The following FAM151B variants were observed in gnomAD, a reference collection of about 807,000 sequenced individuals.
FAM151B encodes the protein family with sequence similarity 151 member B.
Under a neutral mutation model 31.2 loss-of-function variants are expected in FAM151B, and 24 were observed. That is an observed-to-expected ratio of 0.77 (90% confidence interval 0.56 to 1.08). FAM151B has a LOEUF of 1.08. FAM151B is among the 50% of genes least tolerant of loss of function. The pLI, the probability that FAM151B is intolerant of heterozygous loss-of-function variation, is 0.00. For synonymous variants in FAM151B, 105 were observed against 111.4 expected, an observed-to-expected ratio of 0.94 and a Z score of 0.36; for missense variants, 293 against 328.6, an observed-to-expected ratio of 0.89 and a Z score of 0.84.
In FAM151B at chr5:80,531,179, G is replaced by A. The variant is rs376486881; in HGVS notation, c.671+9041G>A. 3.9e-5 allele frequency among the ~76,000 whole-genome samples: 6 copies of A among 152,248 alleles called. No individual in the cohort carries two copies. The East Asian group carries it at 7.7e-4, about 20-fold the overall frequency. ...TAAATGGTGCTGGGAAAACTGGCTAGCCATATGTAGAAAGCTGAAACTGGA... is the reference window on the plus strand; with the variant it reads ...TAAATGGTGCTGGGAAAACTGGCTAACCATATGTAGAAAGCTGAAACTGGA... On this transcript the variant is annotated intron_variant, in intron 5 of 5. Transcript: ENST00000282226.
chr5:80,528,516 G>A (rs1580449856), intron 5 of FAM151B, among the ~76,000 whole-genome samples: 3 of 151,972 alleles, frequency 2.0e-5, no homozygotes, highest in Non-Finnish European at 4.4e-5. Flanking sequence ...TGAAAAGGAT[G>A]GAAAAAGATA....
chr5:80,534,697 C>G (rs1745411345), intron 5 of FAM151B, among the ~76,000 whole-genome samples: 1 of 151,896 alleles, frequency 6.6e-6, no homozygotes, highest in Non-Finnish European at 1.5e-5. Flanking sequence ...AGACGAGGAA[C>G]AAGACAAGGA....
At chr5:80,522,283 A>G in intron 5 of FAM151B, 145 bp downstream of exon 5, 2 of 765,746 alleles carry the variant, frequency 2.6e-6, no homozygotes, top group Non-Finnish European at 4.0e-6. Context: ...AAGCGCACAG[A>G]CTCCCTCACC....
intron 3 of FAM151B, among the ~76,000 whole-genome samples, chr5:80,515,958 T>C (rs10516155): frequency 0.026 from 3,887 of 152,312 alleles, 168 homozygotes; most frequent in Admixed American, 0.12. Flanking sequence ...AGCAGCTGAA[T>C]GACCTGTTAG....
chr5:80,509,271 T>C (rs1305851667), intron 2 of FAM151B, among the ~76,000 whole-genome samples: 20 of 151,968 alleles, frequency 1.3e-4, no homozygotes, highest in Admixed American at 1.3e-3. Context: ...AAGCCACCAC[T>C]CTGGCTTCAT....
intron 5 of FAM151B, among the ~76,000 whole-genome samples, chr5:80,538,478 CTTT>C (rs61120496): frequency 5.7e-5 from 7 of 122,472 alleles, no homozygotes; most frequent in African/African-American, 1.0e-4. Flanking sequence ...TTCTTTCTTT[CTTT>C]CTTTCCTTCC....
intron 5 of FAM151B, among the ~76,000 whole-genome samples, chr5:80,536,683 A>G (rs762211209): frequency 1.6e-4 from 24 of 152,192 alleles, no homozygotes; most frequent in Middle Eastern, 3.2e-3. Flanking sequence ...AAGTATATAT[A>G]TTGTACTTAC....
intron 5 of FAM151B, among the ~76,000 whole-genome samples, chr5:80,528,158 A>G (rs1319529209): frequency 6.6e-6 from 1 of 152,194 alleles, no homozygotes; most frequent in Admixed American, 6.5e-5. Flanking sequence ...ATAATGGTTT[A>G]TAAGATAGTA....
chr5:80,534,301 TA>T (rs541815094), intron 5 of FAM151B, among the ~76,000 whole-genome samples: 15 of 146,226 alleles, frequency 1.0e-4, no homozygotes, highest in South Asian at 2.2e-4. Context: ...AAAGACACAT[TA>T]AAAAAAAAAC....
Position 80,541,755 on chromosome 5 carries a change from AAAC to A in FAM151B, c.757_759del (p.Gln253del). ...TTACATTAGAGACCATTTTGACAAA[AAAC>A]AAGTTTTCTATGACATCTTGGAACC... On this transcript the variant is annotated inframe_deletion, in exon 6 of 6. Coordinates refer to ENST00000282226, the MANE Select transcript of FAM151B (RefSeq NM_205548.3). 1 of 1,613,762 alleles carries A rather than the reference AAAC, an allele frequency of 6.2e-7. No individual in the cohort carries two copies. The highest frequency in any genetic ancestry group is 8.5e-7 in the Non-Finnish European group (1 of 1,179,794).
chr5:80,501,266 C>A, intron 1 of FAM151B: 2 of 502,154 alleles, frequency 4.0e-6, no homozygotes, highest in East Asian at 4.5e-5. Flanking sequence ...GTAATCCGCC[C>A]ACCTCAGCCT....
intron 5 of FAM151B, among the ~76,000 whole-genome samples, chr5:80,538,471 TTTCTTTCTTTCTTTCC>T (rs1411343663): frequency 9.8e-5 from 12 of 122,784 alleles, no homozygotes; most frequent in South Asian, 2.7e-4. Flanking sequence ...TCTTTCTTTC[TTTCTTTCTTTCTTTCC>T]TTCCTTCCTT....
chr5:80,525,525 G>A (rs758130946), intron 5 of FAM151B, among the ~76,000 whole-genome samples: 7 of 152,134 alleles, frequency 4.6e-5, no homozygotes, highest in Non-Finnish European at 8.8e-5. Flanking sequence ...TCAAACAGGA[G>A]AGAAGTTTGT....
intron 5 of FAM151B, among the ~76,000 whole-genome samples, chr5:80,526,470 A>G (rs997463834): frequency 6.6e-6 from 1 of 151,244 alleles, no homozygotes; most frequent in Admixed American, 6.6e-5. Context: ...AAAAAAAAAA[A>G]TTAGCCATGC....
rs928630525 is a variant in FAM151B, at chr5:80,492,692, C to T, written c.25+4544C>T. 1.6e-4 allele frequency among the ~76,000 whole-genome samples: 25 copies of T among 152,302 alleles called. No homozygotes were observed. In the East Asian group the frequency reaches 4.2e-3, roughly 26 times the overall value. On this transcript the variant is annotated intron_variant, in intron 1 of 5. Transcript: ENST00000282226. ...AGAGGGCTGGGCACAGTGGCTTATG[C>T]CTGTAATCCCAGAACTTTGGGAGGC...
At chr5:80,536,141 T>G (rs1407379840) in intron 5 of FAM151B, among the ~76,000 whole-genome samples, 2 of 151,274 alleles carry the variant, frequency 1.3e-5, no homozygotes, top group African/African-American at 4.9e-5. Context: ...GGTACGAGGG[T>G]TTTAGTTTAG....
At chr5:80,511,606 T>TA (rs199561479) in intron 2 of FAM151B, among the ~76,000 whole-genome samples, 32 of 152,062 alleles carry the variant, frequency 2.1e-4, no homozygotes, top group South Asian at 4.2e-4. Context: ...TATTTATCTT[T>TA]AAAAAAAATT....
intron 5 of FAM151B, among the ~76,000 whole-genome samples, chr5:80,540,781 G>C (rs568420837): frequency 1.3e-5 from 2 of 152,280 alleles, no homozygotes; most frequent in African/African-American, 4.8e-5. Context: ...ATATGATACT[G>C]CTGTGGGGCA....
intron 1 of FAM151B, among the ~76,000 whole-genome samples, chr5:80,488,523 G>A (rs1337203926): frequency 6.6e-6 from 1 of 152,234 alleles, no homozygotes; most frequent in Non-Finnish European, 1.5e-5. Context: ...GGGGAGGTTT[G>A]GGAATGCGGA....
Sources: gnomAD v4.1 joint callset for allele counts (sites outside exome capture counted in the v4.1 genomes callset) on GRCh38, gnomAD v4.1.1 for gene constraint, MANE v1.5 for transcripts, NCBI Gene and HGNC (gene_info 2026-07-23, HGNC 2026-07-21) for gene names.